Variants in PPP6R2 observed in about 807,000 individuals in gnomAD.
PPP6R2 encodes serine/threonine-protein phosphatase 6 regulatory subunit 2.
A neutral mutation model predicts 100.2 loss-of-function variants in PPP6R2; 62 were observed. The ratio of observed to expected loss-of-function variants is 0.62; its 90% CI spans 0.50 to 0.76. The LOEUF is 0.76. Among genes scored for constraint, PPP6R2 ranks in the 30% least tolerant of loss-of-function variants. The probability of loss-of-function intolerance (pLI) is 0.00; values close to 1 mark genes in which losing one functional copy is unlikely to be tolerated. For synonymous variants in PPP6R2, 525 were observed against 514.7 expected, an observed-to-expected ratio of 1.02 and a Z score of -0.27; for missense variants, 1,142 against 1,276.3, an observed-to-expected ratio of 0.89 and a Z score of 1.60.
chr22:50,416,047 T>G (rs190002849), intron 5 of PPP6R2, 45 bp from the exon 6 acceptor site: 2 of 1,546,946 alleles, frequency 1.3e-6, no homozygotes, highest in Non-Finnish European at 1.8e-6. Flanking sequence ...TGTTGTTTAC[T>G]TAGACTTGAG....
chr22:50,354,361 T>C (rs2045989077), intron 1 of PPP6R2, among the ~76,000 whole-genome samples: 1 of 152,180 alleles, frequency 6.6e-6, no homozygotes, highest in Non-Finnish European at 1.5e-5. Flanking sequence ...GTTTTGGATT[T>C]CAAATTTTCT....
chr22:50,361,441 G>A (rs761651557), intron 1 of PPP6R2, among the ~76,000 whole-genome samples: 5 of 152,076 alleles, frequency 3.3e-5, no homozygotes, highest in African/African-American at 4.8e-5. Context: ...TTGAGTGTAC[G>A]GATGAAGCCA....
At position 50,443,916 on chromosome 22, in the gene PPP6R2, A is replaced by G. The variant is rs768405863; in HGVS notation, c.2630A>G (p.Lys877Arg). 4.4e-6 allele frequency: 7 copies of G among 1,599,960 alleles called. No homozygotes were observed. The South Asian group carries it at 7.8e-5, about 18-fold the overall frequency. The part of the protein sequence containing the change: ...RLLSPACPAP[K>R]EVTAAPAVAV... ...TTAAGCCCTGCCTGCCCCGCGCCAA[A>G]GGAAGTGACTGCTGCCCCAGCCGTG... The change falls in exon 23 of 24, where the codon AAG becomes AGG. Residue 877 changes from lysine to arginine, a missense_variant. By Grantham distance (26) the Lys-to-Arg change is conservative (BLOSUM62 2). Transcript: ENST00000612753.
chr22:50,355,064 A>C (rs2046176755), intron 1 of PPP6R2, among the ~76,000 whole-genome samples: 1 of 151,346 alleles, frequency 6.6e-6, no homozygotes, highest in Non-Finnish European at 1.5e-5. Context: ...GCTGATCCTG[A>C]ACTCCTGGAC....
intron 2 of PPP6R2, among the ~76,000 whole-genome samples, chr22:50,377,678 G>A (rs1170837334): frequency 6.6e-6 from 1 of 152,052 alleles, no homozygotes; most frequent in African/African-American, 2.4e-5. Flanking sequence ...TATTAGAAAA[G>A]ATAAAGACTA....
At chr22:50,345,427 T>A (rs1209645036) in intron 1 of PPP6R2, among the ~76,000 whole-genome samples, 4 of 1,852 alleles carry the variant, frequency 2.2e-3, no homozygotes, top group Admixed American at 5.9e-3. Context: ...TTCCCCCCAG[T>A]CAGTTTCCCT....
At chr22:50,362,761 C>G (rs74325797) in intron 1 of PPP6R2, among the ~76,000 whole-genome samples, 1,728 of 152,308 alleles carry the variant, frequency 0.011, 37 homozygotes, top group African/African-American at 0.039. Flanking sequence ...CTCACCCTCC[C>G]TGCTGTGAGG....
intron 4 of PPP6R2, among the ~76,000 whole-genome samples, chr22:50,409,718 G>A (rs2059474941): frequency 6.6e-6 from 1 of 151,908 alleles, no homozygotes. Context: ...AAGCCACCGC[G>A]CCCGGCCGAC....
At chr22:50,391,445 A>AT (rs2055516307) in intron 2 of PPP6R2, among the ~76,000 whole-genome samples, 1 of 151,230 alleles carries the variant, frequency 6.6e-6, no homozygotes, top group Non-Finnish European at 1.5e-5. Context: ...AAAAAAAAAA[A>AT]AAAAAAAAAA....
chr22:50,431,122 C>G lies in PPP6R2; in HGVS notation c.1126-51C>G. The G allele has an allele frequency of 1.4e-6, 2 of 1,455,736 alleles. No homozygotes were observed. Among genetic ancestry groups the G allele is most frequent in the Non-Finnish European group, 1.9e-6 (2 of 1,045,478 alleles). The allele number at this position is 1,455,736 out of a possible 1,614,324, so 90.2% of individuals were successfully genotyped here. A position where few individuals can be genotyped will look rare whatever the true frequency, so the allele number is the denominator to read the frequency against. The stretch of plus-strand genomic sequence containing the variant: ...GTTTCCCTCAGCTTTGTGGTGTAGC[C>G]GGCAGGAGAAAACCGATCTAAGAAC... On this transcript the variant is annotated intron_variant, in intron 10 of 23. Coordinates refer to ENST00000612753, the MANE Select transcript of PPP6R2 (RefSeq NM_001242898.2). This position sits in a 1 kb window ranked among gnomAD's most constrained non-coding sequence, Gnocchi z 4.8.
chr22:50,375,270 T>C (rs1277527082), intron 2 of PPP6R2, among the ~76,000 whole-genome samples: 5 of 151,998 alleles, frequency 3.3e-5, no homozygotes, highest in Non-Finnish European at 7.4e-5. Flanking sequence ...AATTGTTAGA[T>C]GAAAAAACAT....
chr22:50,368,144 C>T (rs569681040), intron 1 of PPP6R2, among the ~76,000 whole-genome samples: 39 of 152,302 alleles, frequency 2.6e-4, no homozygotes, highest in African/African-American at 8.9e-4. Flanking sequence ...GTGTACAGGG[C>T]GAAACATGAA....
intron 1 of PPP6R2, among the ~76,000 whole-genome samples, chr22:50,354,797 C>T (rs1052956692): frequency 4.0e-5 from 6 of 151,854 alleles, no homozygotes; most frequent in East Asian, 1.9e-4. Context: ...GACTCTCTCT[C>T]GTACACGTAC....
At position 50,444,498 on chromosome 22, in the gene PPP6R2, C is replaced by T. The variant is rs1014308944; in HGVS notation, c.*251C>T. On this transcript the variant is annotated 3_prime_UTR_variant, in exon 24 of 24. Coordinates refer to ENST00000612753, the MANE Select transcript of PPP6R2 (RefSeq NM_001242898.2). ...CTCAGCCGCCCCCAAGCCCAGAGCA[C>T]AGCAATAAGGTCGGCCTGCAGGAGC... The T allele has an allele frequency of 8.3e-6, 3 of 361,964 alleles. No individual in the cohort carries two copies. In the Admixed American group the frequency reaches 1.5e-4, roughly 18 times the overall value. The allele number at this position is 361,964 out of a possible 1,614,324, so 22.4% of individuals were successfully genotyped here. A position where few individuals can be genotyped will look rare whatever the true frequency, so the allele number is the denominator to read the frequency against.
intron 1 of PPP6R2, among the ~76,000 whole-genome samples, chr22:50,371,505 GA>G (rs894726509): frequency 1.3e-4 from 19 of 142,254 alleles, no homozygotes; most frequent in South Asian, 4.5e-4. Context: ...CTTTAAAAAA[GA>G]AAAAAAAAAG....
At position 50,431,089 on chromosome 22, in the gene PPP6R2, T is replaced by C; in HGVS notation, c.1126-84T>C. Reference sequence around the variant, plus strand: ...TTGTGAGGAGTTAGGACGCCACCTTTAGGAAGGGTTTCCCTCAGCTTTGTG... The same window carrying C: ...TTGTGAGGAGTTAGGACGCCACCTTCAGGAAGGGTTTCCCTCAGCTTTGTG... On this transcript the variant is annotated intron_variant, in intron 10 of 23. Coordinates refer to ENST00000612753, the MANE Select transcript of PPP6R2 (RefSeq NM_001242898.2). This position sits in a 1 kb window ranked among gnomAD's most constrained non-coding sequence, Gnocchi z 4.8. 1 of 1,192,098 alleles carries C rather than the reference T, an allele frequency of 8.4e-7. No homozygotes were observed. The highest frequency in any genetic ancestry group is 1.2e-6 in the Non-Finnish European group (1 of 827,568). The allele number at this position is 1,192,098 out of a possible 1,614,324, so 73.8% of individuals were successfully genotyped here.
rs905105543 is a variant in PPP6R2 at position 50,431,477 on chromosome 22, A to C, written c.1335+95A>C. 2.6e-6 allele frequency: 3 copies of C among 1,154,968 alleles called. No individual in the cohort carries two copies. Among genetic ancestry groups the C allele is most frequent in the Non-Finnish European group, 3.7e-6 (3 of 814,006 alleles). 71.5% of individuals were successfully genotyped at this position (1,154,968 alleles called of 1,614,324 possible). A position where few individuals can be genotyped will look rare whatever the true frequency, so the allele number is the denominator to read the frequency against. ...TGACGTGTGCCGGACCTCACTGTGC[A>C]GCTGACACGGGGGCAGGGCTTTGAA... is the stretch of plus-strand genomic sequence containing the variant. On this transcript the variant is annotated intron_variant, in intron 11 of 23. Transcript: ENST00000612753. The surrounding 1 kb of genome is among the most constrained non-coding windows in gnomAD (Gnocchi z 4.8).
chr22:50,362,326 TGA>T, intron 1 of PPP6R2, among the ~76,000 whole-genome samples: 1 of 152,354 alleles, frequency 6.6e-6, no homozygotes, highest in East Asian at 1.9e-4. Context: ...GGCGTGGGCC[TGA>T]CAGCCATCTC....
rs139053720 is a variant in PPP6R2, at chr22:50,439,714, G to A, written c.2142G>A (p.Thr714=). 57 of 1,602,054 alleles carry A rather than the reference G, an allele frequency of 3.6e-5. No homozygotes were observed. Among genetic ancestry groups the A allele is most frequent in the African/African-American group, 3.1e-4 (23 of 74,830 alleles). The part of the protein sequence containing the change: ...VEGDSEGAMW[T]AVFDEPANST... ...CTCCCCCAGCAGGCGCCATGTGGAC[G>A]GCAGTGTTTGATGAGCCAGCGAACT... The change falls in exon 20 of 24, where the codon ACG becomes ACA. Residue 714 remains threonine (T), a synonymous_variant. Coordinates refer to ENST00000612753, the MANE Select transcript of PPP6R2 (RefSeq NM_001242898.2).
Sources: gnomAD v4.1 joint callset for allele counts (sites outside exome capture counted in the v4.1 genomes callset) on GRCh38, gnomAD v4.1.1 for gene constraint, Gnocchi (gnomAD v3.1) non-coding constraint, MANE v1.5 for transcripts, NCBI Gene and HGNC (gene_info 2026-07-23, HGNC 2026-07-21) for gene names.